GATAD2B: variants seen among roughly 807,000 people sequenced by gnomAD.
GATAD2B encodes transcriptional repressor p66-beta.
GATAD2B carries 8 observed loss-of-function variants against 64.3 expected under a neutral mutation model. The ratio of observed to expected loss-of-function variants is 0.12; its 90% CI spans 0.07 to 0.22. GATAD2B has a LOEUF of 0.22. Ranked by LOEUF, GATAD2B falls within the 10% of genes least tolerant of loss-of-function variation. GATAD2B has a pLI of 1.00. For synonymous variants in GATAD2B, 281 were observed against 271.3 expected (o/e 1.04, Z -0.35); for missense variants, 453 against 752.0 (o/e 0.60, Z 4.65).
At chr1:153,863,656 G>A (rs1024871296) in intron 1 of GATAD2B, among the ~76,000 whole-genome samples, 21 of 150,508 alleles carry the variant, frequency 1.4e-4, no homozygotes, top group African/African-American at 4.9e-4. Context: ...ACAGAGTCTC[G>A]CTCTGTCTTC....
At chr1:153,904,646 A>G (rs1365778827) in intron 1 of GATAD2B, among the ~76,000 whole-genome samples, 1 of 151,992 alleles carries the variant, frequency 6.6e-6, no homozygotes, top group African/African-American at 2.4e-5. Flanking sequence ...GGTTCAAGCA[A>G]TTCTCCTGTT....
chr1:153,881,281 G>C lies in GATAD2B; in HGVS notation c.-2+41452C>G, dbSNP rs1481540834. 9.9e-5 allele frequency among the ~76,000 whole-genome samples: 15 copies of C among 152,262 alleles called. No homozygotes were observed. The East Asian group carries it at 2.5e-3, about 25-fold the overall frequency. On this transcript the variant is annotated intron_variant, in intron 1 of 10. Transcript: ENST00000368655. ...AAAAGGGGAGGGGTAGAGAGGGTAA[G>C]GGGGAGGCTAGAACCATCACTGCTA...
rs1674310975 is a variant in GATAD2B, at chr1:153,812,077, G to A, written c.1475C>T (p.Ala492Val). 1 of 1,613,372 alleles carries A rather than the reference G, an allele frequency of 6.2e-7. No homozygotes were observed. The highest frequency in any genetic ancestry group is 1.1e-5 in the South Asian group (1 of 91,054). ...CTCTTGTTTACTGACACTGGACACA[G>A]CTGGAGCCGTAGTGGGGGAGAGGGC... ...QAALSPTTAP[A>V]VSSVSKQETI... is the part of the protein sequence containing the mutation. The change falls in exon 9 of 11, where the codon GCT (alanine) becomes GTT (valine). Residue 492 changes from alanine (A) to valine (V), a missense_variant. This residue lies in a region of GATAD2B where 160 missense variants were observed against 334.7 expected (regional missense o/e 0.48). Transcript: ENST00000368655.
At chr1:153,919,381 A>C (rs997221435) in intron 1 of GATAD2B, among the ~76,000 whole-genome samples, 6 of 152,228 alleles carry the variant, frequency 3.9e-5, no homozygotes, top group African/African-American at 1.4e-4. Context: ...GGATGAATTC[A>C]AGCTATACAG....
intron 1 of GATAD2B, among the ~76,000 whole-genome samples, chr1:153,877,706 C>T (rs1044810500): frequency 1.3e-5 from 2 of 151,754 alleles, no homozygotes; most frequent in Admixed American, 6.6e-5. Context: ...GGTGAAACCT[C>T]GTCTCTACTA....
At chr1:153,872,566 C>A (rs544477804) in intron 1 of GATAD2B, among the ~76,000 whole-genome samples, 190 of 143,862 alleles carry the variant, frequency 1.3e-3, no homozygotes, top group Middle Eastern at 3.7e-3. Flanking sequence ...AAAAAAAAAA[C>A]CCCACAAAAC....
At chr1:153,848,679 C>T (rs571882245) in intron 1 of GATAD2B, among the ~76,000 whole-genome samples, 4 of 152,144 alleles carry the variant, frequency 2.6e-5, no homozygotes, top group African/African-American at 9.7e-5. Flanking sequence ...GTCCATTATG[C>T]ATGGTGGCTA....
intron 1 of GATAD2B, among the ~76,000 whole-genome samples, chr1:153,859,805 T>G (rs1202189737): frequency 1.3e-5 from 2 of 151,958 alleles, no homozygotes; most frequent in Non-Finnish European, 2.9e-5. Context: ...TCACCTTTAA[T>G]AGCGTCCTAG....
intron 1 of GATAD2B, among the ~76,000 whole-genome samples, chr1:153,907,199 G>A (rs746582966): frequency 6.6e-6 from 1 of 152,196 alleles, no homozygotes; most frequent in Non-Finnish European, 1.5e-5. Context: ...GCAGATATCT[G>A]CCCAGTCATG....
At chr1:153,817,983 C>T in intron 5 of GATAD2B, 57 bp downstream of exon 5, 2 of 1,452,558 alleles carry the variant, frequency 1.4e-6, no homozygotes, top group Non-Finnish European at 1.8e-6. Context: ...AGCCCAAAAA[C>T]AGAGACAGGA....
At chr1:153,905,273 G>A (rs1049940001) in intron 1 of GATAD2B, among the ~76,000 whole-genome samples, 12 of 152,038 alleles carry the variant, frequency 7.9e-5, no homozygotes, top group Admixed American at 6.6e-4. Flanking sequence ...CTACTTGGGA[G>A]GCTGAGACAG....
intron 1 of GATAD2B, among the ~76,000 whole-genome samples, chr1:153,915,936 A>C (rs921020349): frequency 2.0e-5 from 3 of 152,196 alleles, no homozygotes; most frequent in African/African-American, 7.2e-5. Context: ...AAAGTAGAAT[A>C]ATCAGTAAGT....
intron 1 of GATAD2B, among the ~76,000 whole-genome samples, chr1:153,846,988 G>T (rs4475793): frequency 6.6e-6 from 1 of 152,074 alleles, no homozygotes; most frequent in African/African-American, 2.4e-5. Context: ...TTATTTTGAC[G>T]GAGTATTGCT....
intron 1 of GATAD2B, among the ~76,000 whole-genome samples, chr1:153,844,840 C>A (rs896387633): frequency 5.3e-5 from 8 of 150,084 alleles, no homozygotes; most frequent in Non-Finnish European, 1.2e-4. Flanking sequence ...TGCAGCCCAC[C>A]AGCATGGCAC....
intron 1 of GATAD2B, among the ~76,000 whole-genome samples, chr1:153,863,790 A>AT (rs1173030766): frequency 1.3e-5 from 2 of 151,656 alleles, no homozygotes; most frequent in Non-Finnish European, 2.9e-5. Context: ...TGCCTGGGTA[A>AT]TTTTTTTGTA....
chr1:153,876,793 A>G (rs913695481), intron 1 of GATAD2B, among the ~76,000 whole-genome samples: 2 of 152,228 alleles, frequency 1.3e-5, no homozygotes, highest in Non-Finnish European at 2.9e-5. Flanking sequence ...ACCTGAGGAC[A>G]GGAGTTTGAG....
In GATAD2B at chr1:153,809,948, G is replaced by A. The variant is rs866998983; in HGVS notation, c.*229C>T. ...TCACTGTTAAAGAAAACTGAAGAGAGAAGACAGAGCGGCAGAAGAACAGAT... is the reference window on the plus strand; with the variant it reads ...TCACTGTTAAAGAAAACTGAAGAGAAAAGACAGAGCGGCAGAAGAACAGAT... On this transcript the variant is annotated 3_prime_UTR_variant, in exon 11 of 11. Transcript: ENST00000368655. 11 of 446,724 alleles carry A rather than the reference G, an allele frequency of 2.5e-5. No individual in the cohort carries two copies. The highest frequency in any genetic ancestry group is 5.6e-4 in the Middle Eastern group (1 of 1,778). 27.7% of individuals were successfully genotyped at this position (446,724 alleles called of 1,614,324 possible). A position where few individuals can be genotyped will look rare whatever the true frequency, so the allele number is the denominator to read the frequency against.
At position 153,852,918 on chromosome 1, in the gene GATAD2B, C is replaced by A; in HGVS notation, c.-1-24570G>T. The A allele has an allele frequency of 3.7e-6, 3 of 806,662 alleles. No individual in the cohort carries two copies. In the South Asian group the frequency reaches 4.4e-5, roughly 12 times the overall value. The allele number at this position is 806,662 out of a possible 1,614,324, so 50.0% of individuals were successfully genotyped here. Reference sequence around the variant, plus strand: ...GTTCCAAGCCACTGCTCATGAGCTGCATTATCTGACTTCCTAAGCTTGTGT... The same window carrying A: ...GTTCCAAGCCACTGCTCATGAGCTGAATTATCTGACTTCCTAAGCTTGTGT... On this transcript the variant is annotated intron_variant, in intron 1 of 10. Coordinates refer to ENST00000368655, the MANE Select transcript of GATAD2B (RefSeq NM_020699.4).
intron 7 of GATAD2B, among the ~76,000 whole-genome samples, chr1:153,815,781 A>T (rs2101879236): frequency 6.6e-6 from 1 of 152,322 alleles, no homozygotes; most frequent in East Asian, 1.9e-4. Flanking sequence ...GACGGGGTAC[A>T]GTGGCTCATG....
Sources: gnomAD v4.1 joint callset for allele counts (sites outside exome capture counted in the v4.1 genomes callset) on GRCh38, gnomAD v4.1.1 for gene constraint, gnomAD v4.1.1 regional missense constraint, MANE v1.5 for transcripts, NCBI Gene and HGNC (gene_info 2026-07-23, HGNC 2026-07-21) for gene names.